PDXK: variants seen among roughly 807,000 people sequenced by gnomAD.
The protein encoded by PDXK is epididymis secretory sperm binding protein Li 1a.
PDXK carries 15 observed loss-of-function variants against 43.2 expected under a neutral mutation model. That is an observed-to-expected ratio of 0.35 (90% CI 0.23 to 0.53). The LOEUF (loss-of-function observed/expected upper bound fraction) is 0.53. Ranked by LOEUF, PDXK falls within the 20% of genes least tolerant of loss-of-function variation. The probability of loss-of-function intolerance (pLI) is 0.92; values close to 1 mark genes in which losing one functional copy is unlikely to be tolerated. For synonymous variants in PDXK, 172 were observed against 165.4 expected (o/e 1.04, Z -0.31); for missense variants, 343 against 417.0 (o/e 0.82, Z 1.54).
intron 4 of PDXK, 85 bp from the exon 5 acceptor site, chr21:43,745,994 C>A: frequency 1.8e-6 from 2 of 1,102,922 alleles, no homozygotes; most frequent in Non-Finnish European, 2.8e-6. Flanking sequence ...AAGACCCTGT[C>A]TTAAAAAAAG....
At chr21:43,743,911 G>T (rs985677460) in intron 4 of PDXK, 104 bp downstream of exon 4, 15 of 735,050 alleles carry the variant, frequency 2.0e-5, no homozygotes, top group Non-Finnish European at 2.6e-5. Flanking sequence ...TCCTCTGCAC[G>T]CCTCCGTGCC....
At position 43,735,834 on chromosome 21, in the gene PDXK, G is replaced by GT. The variant is rs1156858815; in HGVS notation, c.142+1712dup. ...GGCTCAGGGGCAACTCCCTAGGGCA[G>GT]TGAGGGCAGGTGTCACTCTCCCCTG... On this transcript the variant is annotated intron_variant, in intron 2 of 10. Coordinates refer to ENST00000291565, the MANE Select transcript of PDXK (RefSeq NM_003681.5). The surrounding 1 kb of genome is among the most constrained non-coding windows in gnomAD (Gnocchi z 5.3). Among the ~76,000 whole-genome samples the GT allele has an allele frequency of 6.6e-6, 1 of 152,192 alleles. No individual in the cohort carries two copies. Among genetic ancestry groups the GT allele is most frequent in the Non-Finnish European group, 1.5e-5 (1 of 68,010 alleles).
intron 7 of PDXK, among the ~76,000 whole-genome samples, chr21:43,750,917 TGC>T: frequency 1.5e-5 from 1 of 65,564 alleles, no homozygotes; most frequent in Non-Finnish European, 3.3e-5. Context: ...CACGCATGTG[TGC>T]ATGTGTGTGC....
intron 3 of PDXK, among the ~76,000 whole-genome samples, chr21:43,743,191 C>T (rs1481837660): frequency 4.7e-5 from 5 of 106,710 alleles, no homozygotes; most frequent in African/African-American, 1.5e-4. Context: ...GGGGACACCT[C>T]GCCTGCATCC....
At position 43,735,715 on chromosome 21, in the gene PDXK, G is replaced by C. The variant is rs981997783; in HGVS notation, c.142+1592G>C. 1.3e-5 allele frequency among the ~76,000 whole-genome samples: 2 copies of C among 151,958 alleles called. No individual in the cohort carries two copies. The highest frequency in any genetic ancestry group is 2.9e-5 in the Non-Finnish European group (2 of 67,958). ...CCAGCTCAGTCTATGGCTGTGGGCT[G>C]GCTCCCAGCCCCCTGTACCCACACT... On this transcript the variant is annotated intron_variant, in intron 2 of 10. Coordinates refer to ENST00000291565, the MANE Select transcript of PDXK (RefSeq NM_003681.5). This position sits in a 1 kb window ranked among gnomAD's most constrained non-coding sequence, Gnocchi z 5.3.
chr21:43,732,702 G>A lies in PDXK; in HGVS notation c.88-1367G>A, dbSNP rs1006010730. ...CAAGCTATCTGTGTATAGAGGCTGT[G>A]GATTCGGGCTGGTACATTTGCAAAG... is the stretch of plus-strand genomic sequence containing the variant. On this transcript the variant is annotated intron_variant, in intron 1 of 10. Coordinates refer to ENST00000291565, the MANE Select transcript of PDXK (RefSeq NM_003681.5). The surrounding 1 kb of genome is among the most constrained non-coding windows in gnomAD (Gnocchi z 4.1). 2.7e-6 allele frequency: 2 copies of A among 749,060 alleles called. No homozygotes were observed. The highest frequency in any genetic ancestry group is 2.5e-5 in the East Asian group (1 of 40,814). The allele number at this position is 749,060 out of a possible 1,614,324, so 46.4% of individuals were successfully genotyped here.
intron 1 of PDXK, chr21:43,728,921 C>T (rs2083282004): frequency 1.0e-6 from 1 of 985,386 alleles, no homozygotes; most frequent in Admixed American, 6.1e-5. Context: ...CTGGCCTGGA[C>T]TCTGCTGGGA....
Position 43,737,883 on chromosome 21 carries a change from C to T in PDXK, c.142+3760C>T, listed in dbSNP as rs1015459583. On this transcript the variant is annotated intron_variant, in intron 2 of 10. Transcript: ENST00000291565. The surrounding 1 kb of genome is among the most constrained non-coding windows in gnomAD (Gnocchi z 4.8). ...GTTGGACACAAGATCCAAGCGCCCT[C>T]CCCTGTTGGAGAAGGTTCTTGTGGG... is the stretch of plus-strand genomic sequence containing the variant. The T allele has an allele frequency of 4.1e-6, 4 of 985,366 alleles. No individual in the cohort carries two copies. In the African/African-American group the frequency reaches 5.2e-5, roughly 13 times the overall value. 61.0% of individuals were successfully genotyped at this position (985,366 alleles called of 1,614,324 possible).
At chr21:43,752,701 A>G in intron 8 of PDXK, 72 bp downstream of exon 8, 1 of 950,572 alleles carries the variant, frequency 1.1e-6, no homozygotes, top group South Asian at 1.3e-5. Context: ...GGGCTGCAAG[A>G]ATGTTTTGGG....
At chr21:43,741,805 C>T (rs746250777) in intron 3 of PDXK, 34 bp downstream of exon 3, 2 of 1,397,102 alleles carry the variant, frequency 1.4e-6, no homozygotes, top group South Asian at 2.3e-5. Context: ...CAGGGGACTA[C>T]GCACCCCACT....
chr21:43,729,002 C>G, intron 1 of PDXK: 2 of 985,674 alleles, frequency 2.0e-6, no homozygotes, highest in East Asian at 2.3e-4. Context: ...ACGGGGCGCA[C>G]GCCTGCAGGT....
Position 43,732,808 on chromosome 21 carries a change from T to C in PDXK, c.88-1261T>C, listed in dbSNP as rs373277362. Among the ~76,000 whole-genome samples, 26 of 152,284 alleles carry C rather than the reference T, an allele frequency of 1.7e-4. No individual in the cohort carries two copies. The East Asian group carries it at 4.2e-3, about 25-fold the overall frequency. The stretch of plus-strand genomic sequence containing the variant: ...CGTCACCCAGGCTAGAGTGCAGTGG[T>C]GCCATCAGGGCTCACTGCAGCCTCC... On this transcript the variant is annotated intron_variant, in intron 1 of 10. Coordinates refer to ENST00000291565, the MANE Select transcript of PDXK (RefSeq NM_003681.5). The surrounding 1 kb of genome is among the most constrained non-coding windows in gnomAD (Gnocchi z 4.1).
intron 8 of PDXK, among the ~76,000 whole-genome samples, chr21:43,753,112 G>A (rs931387511): frequency 3.3e-5 from 5 of 152,154 alleles, no homozygotes; most frequent in African/African-American, 9.7e-5. Flanking sequence ...AGGCACAAAT[G>A]CACATACACT....
In PDXK at chr21:43,753,714, C is replaced by T. The variant is rs1041367550; in HGVS notation, c.754C>T (p.Leu252Phe). 5.0e-6 allele frequency: 8 copies of T among 1,611,448 alleles called. No homozygotes were observed. The highest frequency in any genetic ancestry group is 4.0e-5 in the African/African-American group (3 of 74,872). ...LAWTHKHPNN[L>F]KVACEKTVST... The stretch of plus-strand genomic sequence containing the variant: ...GTGGACACACAAGCACCCCAATAAC[C>T]TCAAGGTCAGCCACACGCACCGCTC... Residue 252 changes from leucine to phenylalanine, a missense_variant, in exon 9 of 11, where the codon CTC becomes TTC. By Grantham distance (22) the Leu-to-Phe change is conservative. Transcript: ENST00000291565.
chr21:43,743,858 G>A (rs769342276), intron 4 of PDXK, 51 bp downstream of exon 4: 2 of 1,346,320 alleles, frequency 1.5e-6, no homozygotes, highest in Non-Finnish European at 2.1e-6. Context: ...ACACGGGTGG[G>A]GCTGGCCTGG....
chr21:43,727,094 T>C (rs2083262270), intron 1 of PDXK, among the ~76,000 whole-genome samples: 1 of 152,190 alleles, frequency 6.6e-6, no homozygotes, highest in Admixed American at 6.5e-5. Flanking sequence ...GTGACTGGCA[T>C]TCCCTGGAAA....
rs2083920589 is a variant in PDXK at position 43,760,709 on chromosome 21, G to A, written c.*4646G>A. 1.3e-5 allele frequency: 2 copies of A among 152,316 alleles called. No homozygotes were observed. Among genetic ancestry groups the A allele is most frequent in the Non-Finnish European group, 2.9e-5 (2 of 68,108 alleles). 9.4% of individuals were successfully genotyped at this position (152,316 alleles called of 1,614,324 possible). On this transcript the variant is annotated 3_prime_UTR_variant, in exon 11 of 11. Transcript: ENST00000291565. ...TGGCCTGTGCCACGCTCCACAGTGC[G>A]TGGCTGGGCTCTGTGTGTGGCCTGT... is the stretch of plus-strand genomic sequence containing the variant.
chr21:43,753,752 A>G (rs1250425220), intron 9 of PDXK, 33 bp downstream of exon 9: 1 of 1,578,894 alleles, frequency 6.3e-7, no homozygotes, highest in East Asian at 2.3e-5. Context: ...CTCCTCGCCC[A>G]CTCCCACGGC....
At chr21:43,750,476 C>T (rs752440874) in intron 6 of PDXK, 24 bp from the exon 7 acceptor site, 28 of 1,600,548 alleles carry the variant, frequency 1.7e-5, no homozygotes, top group South Asian at 1.2e-4. Context: ...TGTCCCCACC[C>T]GCCTGTCCCC....
Sources: gnomAD v4.1 joint callset for allele counts (sites outside exome capture counted in the v4.1 genomes callset) on GRCh38, gnomAD v4.1.1 for gene constraint, Gnocchi (gnomAD v3.1) non-coding constraint, MANE v1.5 for transcripts, NCBI Gene and HGNC (gene_info 2026-07-23, HGNC 2026-07-21) for gene names.